BMPR1B: variants seen among roughly 807,000 people sequenced by gnomAD.
The protein encoded by BMPR1B is bone morphogenetic protein receptor type-1B.
BMPR1B carries 12 observed loss-of-function variants against 59.1 expected under a neutral mutation model. The observed-to-expected ratio is 0.20, with a 90% CI of 0.13 to 0.33. The LOEUF (loss-of-function observed/expected upper bound fraction) is 0.33, where lower values mean the gene tolerates loss of function less well. BMPR1B is among the 10% of genes least tolerant of loss of function. The pLI is 1.00. For missense variants in BMPR1B, 550 were observed against 610.9 expected, an observed-to-expected ratio of 0.90 and a Z score of 1.05; for synonymous variants, 237 against 207.3, an observed-to-expected ratio of 1.14 and a Z score of -1.23.
rs1560673024 is a variant in BMPR1B at position 95,125,041 on chromosome 4, T to TA, written c.506dup (p.Tyr169Ter). 3 of 1,613,520 alleles carry TA rather than the reference T, an allele frequency of 1.9e-6. No individual in the cohort carries two copies. Among genetic ancestry groups the TA allele is most frequent in the Admixed American group, 1.7e-5 (1 of 59,962 alleles). ...YSIGLEQDET[Y>*]IPPGESLRDL... ...CATTGGGTTAGAACAGGATGAAACT[T>TA]ACATTCCTCCTGGAGAATCCCTGAG... Residue 169 changes from tyrosine (Y) to a stop codon, truncating the protein, a stop_gained and frameshift_variant, in exon 8 of 13, where the codon TAC becomes TAAC. Coordinates refer to ENST00000515059, the MANE Select transcript of BMPR1B (RefSeq NM_001203.3). LOFTEE classifies it high-confidence loss of function.
rs541847403 is a variant in BMPR1B at position 95,045,768 on chromosome 4, A to T, written c.-18+49634A>T. On this transcript the variant is annotated intron_variant, in intron 3 of 12. Coordinates refer to ENST00000515059, the MANE Select transcript of BMPR1B (RefSeq NM_001203.3). Reference sequence around the variant, plus strand: ...CTGGATTGTATGTTTGTCTTCACCCACTAGAGGATAAGCTTTGTCCTGAAG... The same window carrying T: ...CTGGATTGTATGTTTGTCTTCACCCTCTAGAGGATAAGCTTTGTCCTGAAG... Among the ~76,000 whole-genome samples the T allele has an allele frequency of 4.6e-5, 7 of 152,246 alleles. No individual in the cohort carries two copies. In the South Asian group the frequency reaches 1.0e-3, roughly 23 times the overall value.
chr4:94,812,441 G>T (rs141160748), intron 1 of BMPR1B, among the ~76,000 whole-genome samples: 1 of 152,282 alleles, frequency 6.6e-6, no homozygotes, highest in Non-Finnish European at 1.5e-5. Flanking sequence ...TTCCAAAAAG[G>T]TAGACATTTT....
intron 3 of BMPR1B, among the ~76,000 whole-genome samples, chr4:95,009,535 A>T (rs558165651): frequency 6.6e-6 from 1 of 152,198 alleles, no homozygotes; most frequent in Non-Finnish European, 1.5e-5. Context: ...AAATACATAC[A>T]ACATGATTCT....
chr4:95,038,001 T>A (rs1192971392), intron 3 of BMPR1B, among the ~76,000 whole-genome samples: 1 of 152,066 alleles, frequency 6.6e-6, no homozygotes, highest in Non-Finnish European at 1.5e-5. Context: ...TGTTAAGTGC[T>A]ATGGAGAAAA....
At chr4:95,091,670 T>C in intron 3 of BMPR1B, 1 of 983,822 alleles carries the variant, frequency 1.0e-6, no homozygotes, top group Non-Finnish European at 1.2e-6. Flanking sequence ...AGACTGTTTT[T>C]TTTTTCCCTC....
chr4:95,026,097 C>G (rs955142192), intron 3 of BMPR1B, among the ~76,000 whole-genome samples: 1 of 23,882 alleles, frequency 4.2e-5, no homozygotes, highest in African/African-American at 1.1e-4. Flanking sequence ...TGCTTTCTTT[C>G]ATTTCTTTCT....
At chr4:95,045,341 A>G (rs1208174963) in intron 3 of BMPR1B, among the ~76,000 whole-genome samples, 1 of 152,204 alleles carries the variant, frequency 6.6e-6, no homozygotes, top group African/African-American at 2.4e-5. Context: ...CACAATGGAA[A>G]GTAACCTGTG....
chr4:95,005,539 C>T (rs538755703), intron 3 of BMPR1B, among the ~76,000 whole-genome samples: 111 of 152,172 alleles, frequency 7.3e-4, no homozygotes, highest in African/African-American at 2.3e-3. Flanking sequence ...GTTATCACTC[C>T]CCTCTGTGTT....
intron 1 of BMPR1B, among the ~76,000 whole-genome samples, chr4:94,848,305 A>G (rs1392665476): frequency 1.3e-5 from 2 of 152,202 alleles, no homozygotes; most frequent in African/African-American, 4.8e-5. Context: ...AACCCCCAAC[A>G]TGCCCAATTT....
chr4:95,037,713 A>T (rs1283475008), intron 3 of BMPR1B, among the ~76,000 whole-genome samples: 1 of 152,224 alleles, frequency 6.6e-6, no homozygotes, highest in Non-Finnish European at 1.5e-5. Flanking sequence ...CCAGAGGGCA[A>T]GCCAGGATTT....
At chr4:94,814,180 T>C (rs1723925920) in intron 1 of BMPR1B, among the ~76,000 whole-genome samples, 1 of 152,230 alleles carries the variant, frequency 6.6e-6, no homozygotes, top group Admixed American at 6.5e-5. Context: ...GAAAAAAGAA[T>C]TGTTTTCATA....
chr4:94,852,285 G>A (rs1451812972), intron 1 of BMPR1B, among the ~76,000 whole-genome samples: 1 of 151,910 alleles, frequency 6.6e-6, no homozygotes, highest in Non-Finnish European at 1.5e-5. Flanking sequence ...TATAATCTGC[G>A]GTTTTAAGTG....
chr4:94,876,812 C>T (rs1726750843), intron 2 of BMPR1B, among the ~76,000 whole-genome samples: 1 of 152,158 alleles, frequency 6.6e-6, no homozygotes, highest in Non-Finnish European at 1.5e-5. Flanking sequence ...ACATGTTATA[C>T]TTCTTAATGG....
At chr4:94,813,462 G>T (rs1318372730) in intron 1 of BMPR1B, among the ~76,000 whole-genome samples, 3 of 152,146 alleles carry the variant, frequency 2.0e-5, no homozygotes, top group Non-Finnish European at 4.4e-5. Context: ...GACATGTGAG[G>T]AGCAGCAGGA....
intron 1 of BMPR1B, among the ~76,000 whole-genome samples, chr4:94,806,745 T>C (rs1438837197): frequency 6.6e-6 from 1 of 152,180 alleles, no homozygotes; most frequent in Non-Finnish European, 1.5e-5. Flanking sequence ...CTCAGATAAA[T>C]AGCAAATCAT....
chr4:94,972,797 C>T (rs939812642), intron 2 of BMPR1B, among the ~76,000 whole-genome samples: 1 of 152,060 alleles, frequency 6.6e-6, no homozygotes, highest in Admixed American at 6.5e-5. Context: ...ATAATGCTGG[C>T]CTTAAATTAT....
chr4:94,998,609 G>A (rs1046699512), intron 3 of BMPR1B, among the ~76,000 whole-genome samples: 2 of 152,072 alleles, frequency 1.3e-5, no homozygotes, highest in Non-Finnish European at 2.9e-5. Context: ...CTGAGCTCAG[G>A]TGATCTGCCT....
At chr4:95,095,526 A>G (rs975929378) in intron 3 of BMPR1B, among the ~76,000 whole-genome samples, 2 of 152,212 alleles carry the variant, frequency 1.3e-5, no homozygotes, top group South Asian at 2.1e-4. Flanking sequence ...ATGAATTTCA[A>G]TTTCTCTTCT....
At chr4:94,822,336 G>A (rs10014566) in intron 1 of BMPR1B, among the ~76,000 whole-genome samples, 118,363 of 152,076 alleles carry the variant, frequency 0.78, 46,292 homozygotes, top group East Asian at 0.91. Flanking sequence ...CATTTATTAT[G>A]TCTGAGTTTT....
Sources: gnomAD v4.1 joint callset for allele counts (sites outside exome capture counted in the v4.1 genomes callset) on GRCh38, gnomAD v4.1.1 for gene constraint, MANE v1.5 for transcripts, NCBI Gene and HGNC (gene_info 2026-07-23, HGNC 2026-07-21) for gene names.